The following EBF1 variants were observed in gnomAD, a reference collection of about 807,000 sequenced individuals.
EBF1 encodes the protein EBF transcription factor 1.
EBF1 carries 10 observed loss-of-function variants against 68.4 expected under a neutral mutation model. The ratio of observed to expected loss-of-function variants is 0.15; its 90% CI spans 0.09 to 0.25. The LOEUF is 0.25. EBF1 is among the 10% of genes least tolerant of loss of function. EBF1 has a pLI of 1.00. For synonymous variants in EBF1, 298 were observed against 299.8 expected (o/e 0.99, Z 0.06); for missense variants, 509 against 794.4 (o/e 0.64, Z 4.32).
chr5:158,941,704 G>T (rs906848097), intron 6 of EBF1, among the ~76,000 whole-genome samples: 4 of 152,126 alleles, frequency 2.6e-5, no homozygotes, highest in Non-Finnish European at 5.9e-5. Context: ...CTGTGTGCAG[G>T]ATGCTTTCTC....
At chr5:159,018,674 A>G (rs1766079550) in intron 6 of EBF1, among the ~76,000 whole-genome samples, 1 of 152,334 alleles carries the variant, frequency 6.6e-6, no homozygotes, top group East Asian at 1.9e-4. Flanking sequence ...GCCCTGAACC[A>G]AATGCTTAAT....
At chr5:159,074,175 T>A (rs922695162) in intron 5 of EBF1, among the ~76,000 whole-genome samples, 2 of 152,178 alleles carry the variant, frequency 1.3e-5, no homozygotes, top group Non-Finnish European at 2.9e-5. Context: ...CACAGCTCTG[T>A]GAGAGGACGC....
chr5:159,081,755 T>C (rs952864368), intron 5 of EBF1, among the ~76,000 whole-genome samples: 2 of 152,250 alleles, frequency 1.3e-5, no homozygotes, highest in African/African-American at 4.8e-5. Context: ...ATAGTTCTTA[T>C]TTTCCATCCA....
intron 6 of EBF1, among the ~76,000 whole-genome samples, chr5:158,883,000 C>T (rs1799181552): frequency 6.6e-6 from 1 of 151,948 alleles, no homozygotes; most frequent in Non-Finnish European, 1.5e-5. Flanking sequence ...TCCTTCATTC[C>T]TCTTGTTTTA....
At chr5:159,057,104 C>CTTTTCT (rs1774902795) in intron 6 of EBF1, among the ~76,000 whole-genome samples, 1 of 110,642 alleles carries the variant, frequency 9.0e-6, no homozygotes, top group African/African-American at 3.2e-5. Context: ...CTTTTCTTTT[C>CTTTTCT]TTTTTTTTTT....
At chr5:158,857,441 A>G (rs1286479987) in intron 6 of EBF1, among the ~76,000 whole-genome samples, 1 of 152,136 alleles carries the variant, frequency 6.6e-6, no homozygotes, top group Non-Finnish European at 1.5e-5. Context: ...TCACAATGAC[A>G]TAAATGTTTG....
chr5:159,084,571 CAA>C (rs200028682), intron 5 of EBF1, 93 bp downstream of exon 5: 24,382 of 811,520 alleles, frequency 0.03, no homozygotes, highest in South Asian at 0.052. Context: ...AAATGTGTAC[CAA>C]AAAAAAAAAA....
chr5:158,883,363 C>A (rs766386866), intron 6 of EBF1, among the ~76,000 whole-genome samples: 1 of 150,022 alleles, frequency 6.7e-6, no homozygotes. Context: ...TATATATATA[C>A]ACATACATAC....
rs1189064577 is a variant in EBF1 at position 158,698,309 on chromosome 5, A to T, written c.*802T>A. 2 of 222,736 alleles carry T rather than the reference A, an allele frequency of 9.0e-6. No homozygotes were observed. The highest frequency in any genetic ancestry group is 1.8e-5 in the Non-Finnish European group (2 of 111,382). The allele number at this position is 222,736 out of a possible 1,614,324, so 13.8% of individuals were successfully genotyped here. On this transcript the variant is annotated 3_prime_UTR_variant, in exon 16 of 16. Coordinates refer to ENST00000313708, the MANE Select transcript of EBF1 (RefSeq NM_024007.5). The stretch of plus-strand genomic sequence containing the variant: ...CTCGAGAGGCCATCGGCTTCAGAAG[A>T]AACTGACTTAAGTAAAAGGAGAGAA...
At chr5:158,911,635 C>CATAACATA (rs1220137547) in intron 6 of EBF1, among the ~76,000 whole-genome samples, 5 of 107,480 alleles carry the variant, frequency 4.7e-5, no homozygotes, top group Non-Finnish European at 8.9e-5. Context: ...AGGAACAAAT[C>CATAACATA]ATAACATAAT....
Position 159,099,638 on chromosome 5 carries a change from C to T in EBF1, c.-160G>A. ...CTCGCACTTAGAAGATCAAGGCGGG[C>T]TGGAAAGCAAATTTTTAAAAAATGT... is the stretch of plus-strand genomic sequence containing the variant. On this transcript the variant is annotated 5_prime_UTR_variant, in exon 1 of 16. Coordinates refer to ENST00000313708, the MANE Select transcript of EBF1 (RefSeq NM_024007.5). The T allele has an allele frequency of 1.0e-6, 1 of 982,862 alleles. No individual in the cohort carries two copies. The highest frequency in any genetic ancestry group is 2.4e-5 in the South Asian group (1 of 42,008). 60.9% of individuals were successfully genotyped at this position (982,862 alleles called of 1,614,324 possible).
At chr5:158,993,692 T>C (rs1760828335) in intron 6 of EBF1, among the ~76,000 whole-genome samples, 1 of 152,114 alleles carries the variant, frequency 6.6e-6, no homozygotes, top group African/African-American at 2.4e-5. Context: ...AAATGTAAAA[T>C]GACATAAGGA....
At chr5:158,989,610 A>C (rs1414901083) in intron 6 of EBF1, among the ~76,000 whole-genome samples, 1 of 152,164 alleles carries the variant, frequency 6.6e-6, no homozygotes, top group Non-Finnish European at 1.5e-5. Context: ...TGCAGCTCCA[A>C]ACCCAGCTCA....
chr5:158,775,781 C>A (rs546156745), intron 10 of EBF1, among the ~76,000 whole-genome samples: 13 of 105,392 alleles, frequency 1.2e-4, no homozygotes, highest in African/African-American at 2.6e-4. Flanking sequence ...CACATGCACA[C>A]AGACACACAC....
chr5:158,736,533 T>C (rs568412745), intron 10 of EBF1, among the ~76,000 whole-genome samples: 2 of 152,358 alleles, frequency 1.3e-5, no homozygotes, highest in South Asian at 4.1e-4. Context: ...TAATATTCTA[T>C]TGCCATTTAA....
At chr5:159,039,400 G>A (rs2127770047) in intron 6 of EBF1, among the ~76,000 whole-genome samples, 1 of 152,214 alleles carries the variant, frequency 6.6e-6, no homozygotes, top group South Asian at 2.1e-4. Flanking sequence ...CAGCATGTCA[G>A]GTTGTTATAT....
At chr5:158,712,387 C>T in intron 13 of EBF1, 54 bp from the exon 14 acceptor site, 1 of 1,588,568 alleles carries the variant, frequency 6.3e-7, no homozygotes, top group Non-Finnish European at 8.6e-7. Context: ...TGGTGGCAAT[C>T]CTGGAAGACT....
chr5:158,751,058 C>CTG (rs917285980), intron 10 of EBF1, among the ~76,000 whole-genome samples: 10 of 151,964 alleles, frequency 6.6e-5, no homozygotes, highest in African/African-American at 2.2e-4. Context: ...GGATATAAAA[C>CTG]TGTGTGTGTG....
chr5:158,859,918 A>G (rs1345051133), intron 6 of EBF1, among the ~76,000 whole-genome samples: 1 of 152,226 alleles, frequency 6.6e-6, no homozygotes, highest in Non-Finnish European at 1.5e-5. Context: ...TTAACCGTCT[A>G]TGTGAAGGGA....
Sources: allele counts gnomAD v4.1 joint callset (sites outside exome capture counted in the v4.1 genomes callset), GRCh38; gene constraint gnomAD v4.1.1; transcripts MANE v1.5; gene names NCBI Gene and HGNC (gene_info 2026-07-23, HGNC 2026-07-21).